Variants in FSTL4 observed in about 807,000 individuals in gnomAD.
FSTL4 encodes the protein follistatin like 4.
Under a neutral mutation model 78.2 loss-of-function variants are expected in FSTL4, and 28 were observed. That is an observed-to-expected ratio of 0.36 (90% CI 0.27 to 0.49). FSTL4 has a LOEUF of 0.49. Among genes scored for constraint, FSTL4 ranks in the 20% least tolerant of loss-of-function variants. FSTL4 has a pLI of 0.98. For synonymous variants in FSTL4, 422 were observed against 440.5 expected (o/e 0.96, Z 0.53); for missense variants, 922 against 1,084.9 (o/e 0.85, Z 2.11).
At chr5:133,203,925 G>A (rs567203985) in intron 14 of FSTL4, among the ~76,000 whole-genome samples, 4 of 152,082 alleles carry the variant, frequency 2.6e-5, no homozygotes, top group East Asian at 1.9e-4. Flanking sequence ...GTTCCTCCTC[G>A]GCTTTTTCTT....
chr5:133,304,068 G>A (rs567319206), intron 6 of FSTL4, among the ~76,000 whole-genome samples: 67 of 152,302 alleles, frequency 4.4e-4, no homozygotes, highest in African/African-American at 1.5e-3. Context: ...CACATCCTAA[G>A]CCCGTCAACA....
At chr5:133,444,883 C>T (rs1460709523) in intron 3 of FSTL4, among the ~76,000 whole-genome samples, 3 of 152,186 alleles carry the variant, frequency 2.0e-5, no homozygotes, top group African/African-American at 7.2e-5. Context: ...TTTCTGGGGC[C>T]AAGGGAGGAG....
chr5:133,649,351 T>C, the FSTL4 span, among the ~76,000 whole-genome samples: 1 of 152,290 alleles, frequency 6.6e-6, no homozygotes, highest in African/African-American at 2.4e-5. Flanking sequence ...GTGTATAGAG[T>C]TTTCAGCTCC....
chr5:133,582,603 T>A (rs1442172148), intron 2 of FSTL4, among the ~76,000 whole-genome samples: 1 of 152,142 alleles, frequency 6.6e-6, no homozygotes, highest in Admixed American at 6.5e-5. Flanking sequence ...GAGACACAGG[T>A]TGGGGGAAAG....
the FSTL4 span, among the ~76,000 whole-genome samples, chr5:133,728,559 G>A: frequency 6.6e-6 from 1 of 152,190 alleles, no homozygotes; most frequent in Admixed American, 6.5e-5. Context: ...CTAAAAAGAT[G>A]CAACTGGCAG....
At position 133,440,461 on chromosome 5, in the gene FSTL4, G is replaced by T. The variant is rs1424074989; in HGVS notation, c.161-39475C>A. Among the ~76,000 whole-genome samples, 4 of 152,200 alleles carry T rather than the reference G, an allele frequency of 2.6e-5. No homozygotes were observed. The highest frequency in any genetic ancestry group is 9.7e-5 in the African/African-American group (4 of 41,450). ...GGGCTGCACTGAGCCCTTACATCTG[G>T]CTGGCCGACCAAGCTGCTTATGGCA... On this transcript the variant is annotated intron_variant, in intron 3 of 15. Transcript: ENST00000265342. This position sits in a 1 kb window ranked among gnomAD's most constrained non-coding sequence, Gnocchi z 4.1.
intron 4 of FSTL4, among the ~76,000 whole-genome samples, chr5:133,395,892 A>G (rs773089697): frequency 6.6e-6 from 1 of 152,164 alleles, no homozygotes; most frequent in African/African-American, 2.4e-5. Context: ...CCGGAGGTAC[A>G]TTCTAGGAGC....
chr5:133,388,352 G>T (rs1177821262), intron 4 of FSTL4: 1 of 152,228 alleles, frequency 6.6e-6, no homozygotes, highest in Non-Finnish European at 1.5e-5. Context: ...TTTGATAAGT[G>T]TAGAATTCTT....
intron 6 of FSTL4, among the ~76,000 whole-genome samples, chr5:133,290,341 G>A (rs4958114): frequency 0.07 from 10,604 of 152,286 alleles, 567 homozygotes; most frequent in East Asian, 0.26. Flanking sequence ...GCCCTCTGCC[G>A]CCAGCACTGG....
At chr5:133,282,529 C>G (rs1371484651) in intron 6 of FSTL4, among the ~76,000 whole-genome samples, 1 of 152,208 alleles carries the variant, frequency 6.6e-6, no homozygotes, top group Non-Finnish European at 1.5e-5. Context: ...GCAGCAGGAT[C>G]ATTTCTCCCA....
chr5:133,249,833 A>T (rs1180879036), intron 6 of FSTL4, among the ~76,000 whole-genome samples: 1 of 152,266 alleles, frequency 6.6e-6, no homozygotes, highest in African/African-American at 2.4e-5. Context: ...TGCTGAGGAC[A>T]ATCTGGGCCA....
At chr5:133,375,311 T>TATATATATATAA (rs1298027325) in intron 4 of FSTL4, among the ~76,000 whole-genome samples, 1 of 138,462 alleles carries the variant, frequency 7.2e-6, no homozygotes, top group Non-Finnish European at 1.6e-5. Context: ...TATATATATA[T>TATATATATATAA]AAAAGACTCT....
chr5:133,355,995 G>C (rs1364143865), intron 4 of FSTL4, among the ~76,000 whole-genome samples: 1 of 152,104 alleles, frequency 6.6e-6, no homozygotes, highest in Non-Finnish European at 1.5e-5. Context: ...AGAGGAAGAG[G>C]CTCAAGGCCT....
At chr5:133,200,757 G>A (rs1040589027) in intron 15 of FSTL4, among the ~76,000 whole-genome samples, 9 of 152,188 alleles carry the variant, frequency 5.9e-5, no homozygotes, top group African/African-American at 2.2e-4. Context: ...TGCAGGAATA[G>A]AGCAGAATCT....
At chr5:133,795,405 G>A in the FSTL4 span, among the ~76,000 whole-genome samples, 6 of 152,234 alleles carry the variant, frequency 3.9e-5, no homozygotes, top group African/African-American at 1.4e-4. Flanking sequence ...AAGTCCACAA[G>A]GCTGTTAGCA....
the FSTL4 span, among the ~76,000 whole-genome samples, chr5:133,758,968 A>G: frequency 1.3e-5 from 2 of 152,216 alleles, no homozygotes; most frequent in South Asian, 4.1e-4. Context: ...CAGAGGATGG[A>G]AACTGCAAGT....
At chr5:133,636,786 A>G in the FSTL4 span, among the ~76,000 whole-genome samples, 43,064 of 152,138 alleles carry the variant, frequency 0.28, 6,412 homozygotes, top group Non-Finnish European at 0.32. Context: ...ACTATGGTGC[A>G]GGGTGGTAGA....
intron 4 of FSTL4, among the ~76,000 whole-genome samples, chr5:133,346,621 T>TC (rs1296578847): frequency 1.3e-5 from 2 of 152,100 alleles, no homozygotes; most frequent in Admixed American, 6.5e-5. Context: ...CTTTTTTCAT[T>TC]CCCCCCTGCT....
rs1221578638 is a variant in FSTL4 at position 133,352,317 on chromosome 5, C to CAT, written c.410-35667_410-35666dup. Among the ~76,000 whole-genome samples, 327 of 95,588 alleles carry CAT rather than the reference C, an allele frequency of 3.4e-3. 1 individual carries two copies. Among genetic ancestry groups the CAT allele is most frequent in the African/African-American group, 0.015 (280 of 18,320 alleles). 62.7% of individuals were successfully genotyped at this position (95,588 alleles called of 152,430 possible). A position where few individuals can be genotyped will look rare whatever the true frequency, so the allele number is the denominator to read the frequency against. On this transcript the variant is annotated intron_variant, in intron 4 of 15. Coordinates refer to ENST00000265342, the MANE Select transcript of FSTL4 (RefSeq NM_015082.2). ...ATACACACACATATATATATACACA[C>CAT]ATATATATACACACATATATATATA...
Sources: allele counts gnomAD v4.1 joint callset (sites outside exome capture counted in the v4.1 genomes callset), GRCh38; gene constraint gnomAD v4.1.1; non-coding constraint Gnocchi (gnomAD v3.1); transcripts MANE v1.5; gene names NCBI Gene and HGNC (gene_info 2026-07-23, HGNC 2026-07-21).